The following C1orf159 variants were observed in gnomAD, a reference collection of about 807,000 sequenced individuals.
C1orf159 encodes the protein uncharacterized protein C1orf159.
In C1orf159, 19 loss-of-function variants were observed where a neutral mutation model predicts 25.6. The observed-to-expected ratio is 0.74, with a 90% CI of 0.52 to 1.09. C1orf159 has a LOEUF of 1.09. Among genes scored for constraint, C1orf159 ranks in the 50% least tolerant of loss-of-function variants. The probability of loss-of-function intolerance (pLI) is 0.00; values close to 1 mark genes in which losing one functional copy is unlikely to be tolerated. For missense variants in C1orf159, 274 were observed against 290.6 expected (o/e 0.94, Z 0.42); for synonymous variants, 139 against 124.7 (o/e 1.12, Z -0.77).
intron 1 of C1orf159, among the ~76,000 whole-genome samples, chr1:1,114,501 C>A (rs956947546): frequency 6.6e-6 from 1 of 152,226 alleles, no homozygotes; most frequent in African/African-American, 2.4e-5. Context: ...CAGGGAGCAG[C>A]TGGGAGGTAT....
chr1:1,090,232 A>G, intron 4 of C1orf159, 121 bp downstream of exon 4: 1 of 1,028,504 alleles, frequency 9.7e-7, no homozygotes, highest in Non-Finnish European at 1.5e-6. Flanking sequence ...TGCCCCATCC[A>G]CTCCCCAGGT....
rs531353426 is a variant in C1orf159, at chr1:1,087,901, C to T, written c.149-304G>A. 5.0e-4 allele frequency among the ~76,000 whole-genome samples: 75 copies of T among 150,014 alleles called. No individual in the cohort carries two copies. Among genetic ancestry groups the T allele is most frequent in the East Asian group, 9.8e-4 (5 of 5,120 alleles). On this transcript the variant is annotated intron_variant, in intron 4 of 9. Transcript: ENST00000421241. The surrounding 1 kb of genome is among the most constrained non-coding windows in gnomAD (Gnocchi z 8.3). Reference sequence around the variant, plus strand: ...GTACTCCACGCTGCACTCTCCACGCCGAGCACCCCAGCCCCGAGTACTCCA... The same window carrying T: ...GTACTCCACGCTGCACTCTCCACGCTGAGCACCCCAGCCCCGAGTACTCCA...
In C1orf159 at chr1:1,089,212, C is replaced by T. The variant is rs368019892; in HGVS notation, c.148+1141G>A. ...CCTGCGCCTGTGCATGGGGCCACCT[C>T]GGCCCTTGGACTTCACGACCCGCTG... On this transcript the variant is annotated intron_variant, in intron 4 of 9. Coordinates refer to ENST00000421241, the MANE Select transcript of C1orf159 (RefSeq NM_017891.5). The surrounding 1 kb of genome is among the most constrained non-coding windows in gnomAD (Gnocchi z 7.5). 1.4e-4 allele frequency among the ~76,000 whole-genome samples: 22 copies of T among 152,146 alleles called. No individual in the cohort carries two copies. Among genetic ancestry groups the T allele is most frequent in the East Asian group, 1.9e-4 (1 of 5,198 alleles).
Position 1,110,966 on chromosome 1 carries a change from A to G in C1orf159, c.-136+5094T>C, listed in dbSNP as rs1347026717. On this transcript the variant is annotated intron_variant, in intron 1 of 9. Coordinates refer to ENST00000421241, the MANE Select transcript of C1orf159 (RefSeq NM_017891.5). The surrounding 1 kb of genome is among the most constrained non-coding windows in gnomAD (Gnocchi z 4.8). ...GGGCGCTGGAGCAGCCTGCGAGGCAATCTCCATGGATCACAGGCAGATTCT... is the reference window on the plus strand; with the variant it reads ...GGGCGCTGGAGCAGCCTGCGAGGCAGTCTCCATGGATCACAGGCAGATTCT... Among the ~76,000 whole-genome samples the G allele has an allele frequency of 2.6e-5, 4 of 152,218 alleles. No homozygotes were observed. Among genetic ancestry groups the G allele is most frequent in the Non-Finnish European group, 4.4e-5 (3 of 68,022 alleles).
At chr1:1,103,712 A>G (rs1226007936) in intron 1 of C1orf159, among the ~76,000 whole-genome samples, 1 of 152,190 alleles carries the variant, frequency 6.6e-6, no homozygotes, top group Non-Finnish European at 1.5e-5. Context: ...GGAACAAGGA[A>G]GATAGCGTAC....
At position 1,087,898 on chromosome 1, in the gene C1orf159, C is replaced by T. The variant is rs986292584; in HGVS notation, c.149-301G>A. ...CGAGTACTCCACGCTGCACTCTCCA[C>T]GCCGAGCACCCCAGCCCCGAGTACT... On this transcript the variant is annotated intron_variant, in intron 4 of 9. Transcript: ENST00000421241. The surrounding 1 kb of genome is among the most constrained non-coding windows in gnomAD (Gnocchi z 8.3). Among the ~76,000 whole-genome samples, 6 of 150,200 alleles carry T rather than the reference C, an allele frequency of 4.0e-5. No individual in the cohort carries two copies. The highest frequency in any genetic ancestry group is 1.2e-4 in the African/African-American group (5 of 40,900).
rs1645853117 is a variant in C1orf159, at chr1:1,087,637, A to T, written c.149-40T>A. 7.1e-7 allele frequency: 1 copy of T among 1,417,300 alleles called. No individual in the cohort carries two copies. Among genetic ancestry groups the T allele is most frequent in the Non-Finnish European group, 9.6e-7 (1 of 1,043,378 alleles). The allele number at this position is 1,417,300 out of a possible 1,614,324, so 87.8% of individuals were successfully genotyped here. On this transcript the variant is annotated intron_variant, in intron 4 of 9. Transcript: ENST00000421241. The surrounding 1 kb of genome is among the most constrained non-coding windows in gnomAD (Gnocchi z 8.3). ...GGACGGGCATGTCAGCCAAAGCAAA[A>T]TCCACACCAGCTGGGTCTCCTGGGA...
chr1:1,085,464 C>T (rs1570300851), intron 7 of C1orf159, among the ~76,000 whole-genome samples: 1 of 152,272 alleles, frequency 6.6e-6, no homozygotes, highest in South Asian at 2.1e-4. Context: ...GGGTGTGGGC[C>T]CTGCACCAGC....
intron 9 of C1orf159, chr1:1,084,084 C>G: frequency 6.2e-7 from 1 of 1,602,728 alleles, no homozygotes; most frequent in South Asian, 1.1e-5. Flanking sequence ...GCAGACCCCA[C>G]GTCTCGGGAA....
chr1:1,102,893 G>A (rs2100766757), intron 1 of C1orf159, among the ~76,000 whole-genome samples: 1 of 151,842 alleles, frequency 6.6e-6, no homozygotes, highest in East Asian at 2.0e-4. Context: ...GCAGTGGCAT[G>A]ATCTGGGCTC....
intron 7 of C1orf159, chr1:1,085,456 G>C (rs888227534): frequency 6.9e-6 from 2 of 290,738 alleles, no homozygotes; most frequent in Non-Finnish European, 1.4e-5. Context: ...GTAGGCTGGG[G>C]TGTGGGCCCT....
chr1:1,104,144 C>T (rs1363666184), intron 1 of C1orf159, among the ~76,000 whole-genome samples: 1 of 152,280 alleles, frequency 6.6e-6, no homozygotes, highest in African/African-American at 2.4e-5. Context: ...CCTGCCACCA[C>T]ACCTGGCTAA....
intron 1 of C1orf159, among the ~76,000 whole-genome samples, chr1:1,102,312 A>G (rs1646112530): frequency 6.6e-6 from 1 of 151,242 alleles, no homozygotes; most frequent in Non-Finnish European, 1.5e-5. Flanking sequence ...TGAGGCTTAG[A>G]TATCACCTAC....
chr1:1,112,666 G>A (rs973348141), intron 1 of C1orf159, among the ~76,000 whole-genome samples: 2 of 152,204 alleles, frequency 1.3e-5, no homozygotes, highest in Admixed American at 6.5e-5. Context: ...AACACATGGC[G>A]CATGCTCCCG....
At position 1,098,714 on chromosome 1, in the gene C1orf159, C is replaced by G. The variant is rs969356325; in HGVS notation, c.-135-6611G>C. Among the ~76,000 whole-genome samples the G allele has an allele frequency of 5.9e-5, 9 of 152,076 alleles. 1 individual carries two copies. The East Asian group carries it at 7.7e-4, about 13-fold the overall frequency. ...GGTCACTCCGTCTTTTGGGTTCACACCATTCTCCTGCCTCAGCCTCCCGAG... is the reference window on the plus strand; with the variant it reads ...GGTCACTCCGTCTTTTGGGTTCACAGCATTCTCCTGCCTCAGCCTCCCGAG... On this transcript the variant is annotated intron_variant, in intron 1 of 9. Coordinates refer to ENST00000421241, the MANE Select transcript of C1orf159 (RefSeq NM_017891.5).
intron 1 of C1orf159, among the ~76,000 whole-genome samples, chr1:1,108,628 A>G (rs1417766993): frequency 8.2e-5 from 8 of 97,010 alleles, no homozygotes; most frequent in East Asian, 3.4e-4. Flanking sequence ...ACCATGTCTC[A>G]GCAGCACCGT....
intron 1 of C1orf159, among the ~76,000 whole-genome samples, chr1:1,109,758 G>A (rs570283365): frequency 6.6e-6 from 1 of 152,142 alleles, no homozygotes; most frequent in African/African-American, 2.4e-5. Context: ...TGCATGTAAC[G>A]CAGGACCCAT....
intron 1 of C1orf159, among the ~76,000 whole-genome samples, chr1:1,115,829 A>G (rs1570348892): frequency 1.4e-5 from 1 of 70,722 alleles, no homozygotes; most frequent in Admixed American, 2.0e-4. Flanking sequence ...CCTTTCCCCC[A>G]TAGGACCGCG....
intron 9 of C1orf159, chr1:1,084,104 G>A: frequency 6.3e-7 from 1 of 1,591,692 alleles, no homozygotes; most frequent in South Asian, 1.1e-5. Flanking sequence ...ACAGGAAAGA[G>A]CATGGAAGTC....
Sources: gnomAD v4.1 joint callset for allele counts (sites outside exome capture counted in the v4.1 genomes callset) on GRCh38, gnomAD v4.1.1 for gene constraint, Gnocchi (gnomAD v3.1) non-coding constraint, MANE v1.5 for transcripts, NCBI Gene and HGNC (gene_info 2026-07-23, HGNC 2026-07-21) for gene names.